TRPM3: variants seen among roughly 807,000 people sequenced by gnomAD.
TRPM3 encodes long transient receptor potential channel 3.
In TRPM3, 77 loss-of-function variants were observed where a neutral mutation model predicts 181.2. The observed-to-expected ratio is 0.42, with a 90% CI of 0.35 to 0.51. The LOEUF (loss-of-function observed/expected upper bound fraction) is 0.51. TRPM3 is among the 20% of genes least tolerant of loss of function. The pLI is 0.01. For synonymous variants in TRPM3, 745 were observed against 796.4 expected, an observed-to-expected ratio of 0.94 and a Z score of 1.09; for missense variants, 1,759 against 2,196.7, an observed-to-expected ratio of 0.80 and a Z score of 3.98.
chr9:70,592,447 C>T lies in TRPM3; in HGVS notation c.3049-1242G>A, dbSNP rs941688251. Reference sequence around the variant, plus strand: ...TGAAACTGATCAGAGTAAATGAAGCCGATTTGCAAGAGAAAGTGAGCAAAG... The same window carrying T: ...TGAAACTGATCAGAGTAAATGAAGCTGATTTGCAAGAGAAAGTGAGCAAAG... On this transcript the variant is annotated intron_variant, in intron 21 of 25. Coordinates refer to ENST00000677713, the MANE Select transcript of TRPM3 (RefSeq NM_001366145.2). Among the ~76,000 whole-genome samples the T allele has an allele frequency of 3.3e-5, 5 of 152,042 alleles. No individual in the cohort carries two copies. In the East Asian group the frequency reaches 5.8e-4, roughly 18 times the overall value.
chr9:71,150,111 C>A (rs536296669), intron 1 of TRPM3, among the ~76,000 whole-genome samples: 87 of 151,650 alleles, frequency 5.7e-4, no homozygotes, highest in African/African-American at 2.0e-3. Flanking sequence ...AATTAGAGGG[C>A]AGAAATGTTG....
intron 1 of TRPM3, among the ~76,000 whole-genome samples, chr9:70,962,857 G>A (rs376016134): frequency 6.6e-5 from 10 of 152,150 alleles, no homozygotes; most frequent in African/African-American, 2.2e-4. Context: ...GGGGGGACAA[G>A]GGGACTGTCA....
intron 1 of TRPM3, among the ~76,000 whole-genome samples, chr9:71,271,325 C>T (rs1327392771): frequency 2.0e-5 from 3 of 152,032 alleles, no homozygotes; most frequent in African/African-American, 7.2e-5. Context: ...TCTCTTCTTA[C>T]TGGAATGTAG....
intron 1 of TRPM3, among the ~76,000 whole-genome samples, chr9:71,319,939 A>T (rs562869222): frequency 5.9e-5 from 9 of 152,294 alleles, no homozygotes; most frequent in Admixed American, 5.2e-4. Context: ...AAGACTTTAT[A>T]TCTTTGTGCT....
intron 20 of TRPM3, among the ~76,000 whole-genome samples, chr9:70,598,996 G>A (rs1223306954): frequency 1.3e-5 from 2 of 152,122 alleles, no homozygotes. Flanking sequence ...AGTAAACAGT[G>A]CCACCATATT....
At chr9:71,239,893 C>T (rs977675411) in intron 1 of TRPM3, among the ~76,000 whole-genome samples, 1 of 148,234 alleles carries the variant, frequency 6.7e-6, no homozygotes, top group Non-Finnish European at 1.5e-5. Flanking sequence ...TATCACTACC[C>T]TAGAGCCTCA....
chr9:70,845,858 T>C (rs1041200652), intron 4 of TRPM3, among the ~76,000 whole-genome samples: 4 of 152,182 alleles, frequency 2.6e-5, no homozygotes, highest in Non-Finnish European at 5.9e-5. Context: ...GAAGCAAACA[T>C]TCTTTGGAAT....
intron 9 of TRPM3, among the ~76,000 whole-genome samples, chr9:70,678,560 A>C (rs762080927): frequency 1.3e-5 from 2 of 152,220 alleles, no homozygotes; most frequent in African/African-American, 2.4e-5. Context: ...GCAGCAAAGA[A>C]ATCTTTTCCC....
chr9:70,602,106 C>CCT (rs778037711), intron 20 of TRPM3, among the ~76,000 whole-genome samples: 1 of 128,204 alleles, frequency 7.8e-6, no homozygotes, highest in South Asian at 2.4e-4. Context: ...CAAGGCATTC[C>CCT]TTTTTTTTTT....
intron 1 of TRPM3, among the ~76,000 whole-genome samples, chr9:71,149,087 C>T (rs575943223): frequency 2.6e-5 from 4 of 151,808 alleles, no homozygotes; most frequent in Non-Finnish European, 4.4e-5. Flanking sequence ...AGAAGGATGG[C>T]GGGAAGGCAA....
Position 71,171,526 on chromosome 9 carries a change from G to A in TRPM3, c.183+275127C>T, listed in dbSNP as rs567996626. 3.9e-5 allele frequency among the ~76,000 whole-genome samples: 6 copies of A among 152,238 alleles called. No homozygotes were observed. The South Asian group carries it at 8.3e-4, about 21-fold the overall frequency. ...TTAGGGAAAATAGAAAAGAACCTAC[G>A]TGAATATCGGGGCAGGTTCCCCGAT... is the stretch of plus-strand genomic sequence containing the variant. On this transcript the variant is annotated intron_variant, in intron 1 of 24. Coordinates refer to the TRPM3 transcript ENST00000357533.
intron 6 of TRPM3, among the ~76,000 whole-genome samples, chr9:70,813,219 G>A (rs2092317059): frequency 6.6e-6 from 1 of 152,248 alleles, no homozygotes. Flanking sequence ...AACATCTACT[G>A]CTTTGTACTA....
chr9:70,959,141 C>T (rs1178843213), intron 1 of TRPM3, among the ~76,000 whole-genome samples: 2 of 150,406 alleles, frequency 1.3e-5, no homozygotes, highest in Non-Finnish European at 1.5e-5. Context: ...TACCCTAAAA[C>T]TTAAAGTATA....
At chr9:70,686,600 C>A (rs1232621979) in intron 8 of TRPM3, among the ~76,000 whole-genome samples, 1 of 92,054 alleles carries the variant, frequency 1.1e-5, no homozygotes, top group Non-Finnish European at 2.2e-5. Context: ...CTCCCTCCCT[C>A]CCTCCCTCCC....
chr9:70,977,938 A>G (rs1211714025), intron 1 of TRPM3, among the ~76,000 whole-genome samples: 1 of 152,168 alleles, frequency 6.6e-6, no homozygotes, highest in Non-Finnish European at 1.5e-5. Flanking sequence ...TAGGGGCTTT[A>G]TGAAAGCATG....
At chr9:70,686,031 G>GTA (rs1164910490) in intron 8 of TRPM3, among the ~76,000 whole-genome samples, 2 of 150,416 alleles carry the variant, frequency 1.3e-5, no homozygotes, top group African/African-American at 4.9e-5. Flanking sequence ...AGGTATATGT[G>GTA]TATATATATG....
intron 1 of TRPM3, among the ~76,000 whole-genome samples, chr9:70,907,156 C>A (rs942219391): frequency 7.9e-5 from 12 of 152,114 alleles, no homozygotes; most frequent in Admixed American, 5.9e-4. Flanking sequence ...TGTCTACTTG[C>A]TAAAATGTAT....
At position 70,536,985 on chromosome 9, in the gene TRPM3, T is replaced by C. The variant is rs573463487; in HGVS notation, c.4128A>G (p.Leu1376=). The C allele has an allele frequency of 1.2e-6, 2 of 1,612,984 alleles. No individual in the cohort carries two copies. The highest frequency in any genetic ancestry group is 2.2e-5 in the East Asian group (1 of 44,830). Residue 1376 remains leucine (L), a synonymous_variant, in exon 26 of 26, where the codon CTA becomes CTG. Coordinates refer to ENST00000677713, the MANE Select transcript of TRPM3 (RefSeq NM_001366145.2). ...ESIFKERSLS[L]HRATSSHSVA... ...CAGAGTGGGAACTAGTAGCCCGGTGTAGGCTCAGGGACCTTTCTTTAAAAA... is the reference window on the plus strand; with the variant it reads ...CAGAGTGGGAACTAGTAGCCCGGTGCAGGCTCAGGGACCTTTCTTTAAAAA...
chr9:71,419,913 T>C (rs1012880897), intron 1 of TRPM3, among the ~76,000 whole-genome samples: 3 of 151,960 alleles, frequency 2.0e-5, no homozygotes, highest in African/African-American at 7.2e-5. Flanking sequence ...TCAGGTATAA[T>C]TCTGACATTC....
Sources: gnomAD v4.1 joint callset for allele counts (sites outside exome capture counted in the v4.1 genomes callset) on GRCh38, gnomAD v4.1.1 for gene constraint, MANE v1.5 for transcripts, NCBI Gene and HGNC (gene_info 2026-07-23, HGNC 2026-07-21) for gene names.